Variants in SYNE1 observed in about 807,000 individuals in gnomAD.
SYNE1 encodes the protein spectrin repeat containing nuclear envelope protein 1, also known as nesprin-1.
SYNE1 carries 616 observed loss-of-function variants against 1,111.0 expected under a neutral mutation model. That is an observed-to-expected ratio of 0.55 (90% CI 0.52 to 0.59). The LOEUF (loss-of-function observed/expected upper bound fraction) is 0.59, where lower values mean the gene tolerates loss of function less well. Ranked by LOEUF, SYNE1 falls within the 20% of genes least tolerant of loss-of-function variation. The probability of loss-of-function intolerance (pLI) is 0.00; values close to 1 mark genes in which losing one functional copy is unlikely to be tolerated. For missense variants in SYNE1, 10,006 were observed against 10,417.0 expected (o/e 0.96, Z 1.72); for synonymous variants, 3,855 against 3,825.8 (o/e 1.01, Z -0.28).
At chr6:152,564,913 A>G (rs2099407496) in intron 3 of SYNE1, among the ~76,000 whole-genome samples, 1 of 152,202 alleles carries the variant, frequency 6.6e-6, no homozygotes, top group Non-Finnish European at 1.5e-5. Context: ...TCCTAGAATC[A>G]CTGTAAATAT....
At chr6:152,448,308 A>C (rs1378017518) in intron 28 of SYNE1, among the ~76,000 whole-genome samples, 1 of 152,162 alleles carries the variant, frequency 6.6e-6, no homozygotes, top group East Asian at 1.9e-4. Context: ...TCCTCCCTAC[A>C]GCAGTTCTGG....
intron 108 of SYNE1, 137 bp downstream of exon 108, chr6:152,239,396 T>C (rs1487105675): frequency 1.2e-5 from 12 of 967,362 alleles, no homozygotes; most frequent in Non-Finnish European, 1.9e-5. Context: ...ATAGGAAAAG[T>C]GCAGTCCTGA....
intron 3 of SYNE1, among the ~76,000 whole-genome samples, chr6:152,585,013 G>A (rs1010105933): frequency 2.6e-5 from 4 of 152,084 alleles, no homozygotes; most frequent in African/African-American, 7.2e-5. Flanking sequence ...TAATCCCTAC[G>A]TGTCATGAGA....
intron 4 of SYNE1, among the ~76,000 whole-genome samples, chr6:152,527,987 G>A (rs1331119742): frequency 4.6e-5 from 7 of 152,064 alleles, no homozygotes; most frequent in Admixed American, 3.3e-4. Context: ...TTGGCCTTCC[G>A]ATCAGCAGCG....
chr6:152,312,350 C>A (rs2095580761), intron 87 of SYNE1, among the ~76,000 whole-genome samples: 1 of 150,614 alleles, frequency 6.6e-6, no homozygotes, highest in African/African-American at 2.4e-5. Flanking sequence ...GCTGGGATTA[C>A]AGGCATGAGC....
At chr6:152,350,414 G>A in intron 71 of SYNE1, 79 bp from the exon 72 acceptor site, 1 of 1,596,334 alleles carries the variant, frequency 6.3e-7, no homozygotes, top group Non-Finnish European at 8.6e-7. Flanking sequence ...CAAAAACCCA[G>A]TGCAACTCAC....
intron 115 of SYNE1, among the ~76,000 whole-genome samples, chr6:152,227,578 G>T (rs2081887234): frequency 6.6e-6 from 1 of 152,014 alleles, no homozygotes; most frequent in Non-Finnish European, 1.5e-5. Flanking sequence ...GTGTAGTATA[G>T]GAAATATAAT....
intron 3 of SYNE1, among the ~76,000 whole-genome samples, chr6:152,590,320 A>AT (rs2099555374): frequency 6.6e-6 from 1 of 151,800 alleles, no homozygotes; most frequent in African/African-American, 2.4e-5. Flanking sequence ...ATAATCTTAG[A>AT]TTATAACAAC....
At chr6:152,395,159 A>T (rs1215962299) in intron 51 of SYNE1, among the ~76,000 whole-genome samples, 4 of 151,812 alleles carry the variant, frequency 2.6e-5, no homozygotes, top group Non-Finnish European at 5.9e-5. Flanking sequence ...TCAGCTTCAC[A>T]TTATGTTAAT....
chr6:152,362,840 T>C (rs1459291891), intron 63 of SYNE1, among the ~76,000 whole-genome samples: 4 of 152,008 alleles, frequency 2.6e-5, no homozygotes. Context: ...AATTATTTAT[T>C]TTATCGATAA....
At chr6:152,138,213 T>C (rs949655393) in intron 140 of SYNE1, among the ~76,000 whole-genome samples, 1 of 152,110 alleles carries the variant, frequency 6.6e-6, no homozygotes, top group Non-Finnish European at 1.5e-5. Context: ...AGTTTTCTGT[T>C]TGAAAATTTA....
At chr6:152,549,269 C>T (rs2128118394) in intron 3 of SYNE1, among the ~76,000 whole-genome samples, 1 of 152,320 alleles carries the variant, frequency 6.6e-6, no homozygotes, top group Middle Eastern at 3.4e-3. Flanking sequence ...AGATCAGCCC[C>T]CTGCCTGGTA....
rs1263564943 is a variant in SYNE1, at chr6:152,201,839, T to C, written c.23130A>G (p.Glu7710=). 6.2e-7 allele frequency: 1 copy of C among 1,613,944 alleles called. No individual in the cohort carries two copies. Among genetic ancestry groups the C allele is most frequent in the African/African-American group, 1.3e-5 (1 of 75,054 alleles). Residue 7710 remains glutamate, a synonymous_variant, in exon 127 of 146, where the codon GAA becomes GAG. Coordinates refer to ENST00000367255, the MANE Select transcript of SYNE1 (RefSeq NM_182961.4). ...LPDHHEELHA[E]QMRCKELENA... is the part of the protein sequence containing the mutation. ...AGTAATTTACCTTGCAACGCATTTG[T>C]TCTGCATGGAGCTCTTCATGGTGAT...
At chr6:152,302,190 G>GT in intron 91 of SYNE1, 127 bp from the exon 92 acceptor site, 1 of 1,286,376 alleles carries the variant, frequency 7.8e-7, no homozygotes, top group African/African-American at 1.5e-5. Context: ...GAGGCAGGAT[G>GT]TGTAGGCGGC....
At chr6:152,466,667 A>G (rs577199306) in intron 16 of SYNE1, among the ~76,000 whole-genome samples, 1 of 152,246 alleles carries the variant, frequency 6.6e-6, no homozygotes, top group Non-Finnish European at 1.5e-5. Context: ...ATTTATATAT[A>G]TAATAGAATC....
At chr6:152,577,906 A>G (rs2099505240) in intron 3 of SYNE1, among the ~76,000 whole-genome samples, 3 of 152,156 alleles carry the variant, frequency 2.0e-5, no homozygotes. Context: ...GAAAGTAACA[A>G]CCAGAAGCAA....
At chr6:152,402,659 T>C (rs2097840157) in intron 46 of SYNE1, 1 of 152,288 alleles carries the variant, frequency 6.6e-6, no homozygotes, top group African/African-American at 2.4e-5. Flanking sequence ...GGAACCCTTC[T>C]GCCTTGAGGT....
rs374102244 is a variant in SYNE1 at position 152,242,235 on chromosome 6, T to C, written c.19893+5A>G. On this transcript the variant is annotated splice_donor_5th_base_variant and intron_variant, in intron 107 of 145. Transcript: ENST00000367255. Reference sequence around the variant, plus strand: ...TTCTCTCTATCACTCTTTTTTGTTATGTACCTTATGTTTGTCAAGTAGTTG... The same window carrying C: ...TTCTCTCTATCACTCTTTTTTGTTACGTACCTTATGTTTGTCAAGTAGTTG... 13 of 1,612,996 alleles carry C rather than the reference T, an allele frequency of 8.1e-6. No homozygotes were observed. Among genetic ancestry groups the C allele is most frequent in the African/African-American group, 1.3e-5 (1 of 75,038 alleles).
chr6:152,369,728 A>T, intron 59 of SYNE1, 114 bp from the exon 60 acceptor site: 1 of 1,301,370 alleles, frequency 7.7e-7, no homozygotes, highest in East Asian at 2.5e-5. Context: ...CACGCCTGTA[A>T]TCCCAGCACT....
Sources: allele counts gnomAD v4.1 joint callset (sites outside exome capture counted in the v4.1 genomes callset), GRCh38; gene constraint gnomAD v4.1.1; transcripts MANE v1.5; gene names NCBI Gene and HGNC (gene_info 2026-07-23, HGNC 2026-07-21).